CAMTA1: variants seen among roughly 807,000 people sequenced by gnomAD.
CAMTA1 encodes calmodulin-binding transcription activator 1.
Under a neutral mutation model 170.9 loss-of-function variants are expected in CAMTA1, and 27 were observed. That is an observed-to-expected ratio of 0.16 (90% CI 0.12 to 0.22). The LOEUF is 0.22. Among genes scored for constraint, CAMTA1 ranks in the 10% least tolerant of loss-of-function variants. The pLI is 1.00. For synonymous variants in CAMTA1, 833 were observed against 891.5 expected (o/e 0.93, Z 1.17); for missense variants, 1,619 against 2,217.2 (o/e 0.73, Z 5.42).
chr1:7,699,037 A>T (rs1480869106), intron 11 of CAMTA1, among the ~76,000 whole-genome samples: 2 of 152,098 alleles, frequency 1.3e-5, no homozygotes, highest in Non-Finnish European at 2.9e-5. Context: ...TTCTTTTCTC[A>T]AGTTAAATCC....
chr1:7,181,741 T>C (rs973145829), intron 4 of CAMTA1, among the ~76,000 whole-genome samples: 1 of 146,934 alleles, frequency 6.8e-6, no homozygotes, highest in Non-Finnish European at 1.5e-5. Flanking sequence ...AAGACATCCC[T>C]TGATTTTGGA....
At chr1:7,433,264 C>T (rs1366956942) in intron 5 of CAMTA1, among the ~76,000 whole-genome samples, 1 of 152,220 alleles carries the variant, frequency 6.6e-6, no homozygotes, top group African/African-American at 2.4e-5. Flanking sequence ...TGCCTGCATC[C>T]TCCACCTGGG....
In CAMTA1 at chr1:7,528,601, C is replaced by T. The variant is rs2094456149; in HGVS notation, c.510+60700C>T. Among the ~76,000 whole-genome samples the T allele has an allele frequency of 1.3e-5, 2 of 151,828 alleles. 1 individual carries two copies. Among genetic ancestry groups the T allele is most frequent in the South Asian group, 4.2e-4 (2 of 4,796 alleles). On this transcript the variant is annotated intron_variant, in intron 6 of 22. Transcript: ENST00000303635. ...CTCGGGGAGGAGCTTTTGCATGAGGCCTGGGATGTGCCCTCACAGTGGCTG... is the reference window on the plus strand; with the variant it reads ...CTCGGGGAGGAGCTTTTGCATGAGGTCTGGGATGTGCCCTCACAGTGGCTG...
At chr1:7,167,036 C>T (rs192385066) in intron 4 of CAMTA1, among the ~76,000 whole-genome samples, 17 of 152,156 alleles carry the variant, frequency 1.1e-4, no homozygotes, top group Admixed American at 9.8e-4. Context: ...TTCTCAAACT[C>T]CTGACCTCAG....
At chr1:6,902,771 C>T (rs143955902) in intron 3 of CAMTA1, among the ~76,000 whole-genome samples, 268 of 152,288 alleles carry the variant, frequency 1.8e-3, no homozygotes, top group African/African-American at 6.0e-3. Flanking sequence ...GAGATGCCAT[C>T]TATTATTAGA....
At chr1:7,488,540 A>G (rs2093650540) in intron 6 of CAMTA1, among the ~76,000 whole-genome samples, 1 of 152,114 alleles carries the variant, frequency 6.6e-6, no homozygotes, top group South Asian at 2.1e-4. Context: ...ACACATGCAC[A>G]CACATACATC....
chr1:6,791,582 C>T (rs1047401321), intron 1 of CAMTA1, among the ~76,000 whole-genome samples: 2 of 152,182 alleles, frequency 1.3e-5, no homozygotes, highest in African/African-American at 4.8e-5. Flanking sequence ...CCTTCATTTA[C>T]AAGGAAGTAT....
Position 7,461,156 on chromosome 1 carries a change from T to G in CAMTA1, c.439-6674T>G, listed in dbSNP as rs180967253. On this transcript the variant is annotated intron_variant, in intron 5 of 22. Coordinates refer to ENST00000303635, the MANE Select transcript of CAMTA1 (RefSeq NM_015215.4). The stretch of plus-strand genomic sequence containing the variant: ...GGGGAGGGGAGCTCAGGAATGAGCT[T>G]TGCCATCACAGGCACAGAAGGCTCT... Among the ~76,000 whole-genome samples the G allele has an allele frequency of 3.3e-5, 5 of 152,310 alleles. No homozygotes were observed. The East Asian group carries it at 9.6e-4, about 29-fold the overall frequency.
intron 5 of CAMTA1, among the ~76,000 whole-genome samples, chr1:7,303,473 A>G (rs1675106496): frequency 6.6e-6 from 1 of 152,212 alleles, no homozygotes; most frequent in Non-Finnish European, 1.5e-5. Flanking sequence ...AGCCACAACT[A>G]TATAGTGGAC....
chr1:7,629,821 C>T (rs2095656770), intron 6 of CAMTA1, among the ~76,000 whole-genome samples: 1 of 152,026 alleles, frequency 6.6e-6, no homozygotes, highest in Non-Finnish European at 1.5e-5. Flanking sequence ...CTGGTCCCTG[C>T]AACAACTGTG....
chr1:6,845,162 A>G (rs1337792668), intron 3 of CAMTA1, among the ~76,000 whole-genome samples: 6 of 152,202 alleles, frequency 3.9e-5, no homozygotes, highest in Admixed American at 3.9e-4. Flanking sequence ...AGGAAAGCTG[A>G]TGAAAAAGTC....
chr1:7,216,096 C>T lies in CAMTA1; in HGVS notation c.303-33395C>T, dbSNP rs967454348. 5.9e-5 allele frequency among the ~76,000 whole-genome samples: 9 copies of T among 152,196 alleles called. No individual in the cohort carries two copies. Among genetic ancestry groups the T allele is most frequent in the Non-Finnish European group, 1.0e-4 (7 of 68,042 alleles). On this transcript the variant is annotated intron_variant, in intron 4 of 22. Coordinates refer to ENST00000303635, the MANE Select transcript of CAMTA1 (RefSeq NM_015215.4). The surrounding 1 kb of genome is among the most constrained non-coding windows in gnomAD (Gnocchi z 4.0). ...GGGGAGACCTCAGGAAACTTACAAT[C>T]ATGGCAGAAGGCGAAGGGGAAGCCC...
chr1:7,545,437 C>T (rs977394040), intron 6 of CAMTA1, among the ~76,000 whole-genome samples: 3 of 152,210 alleles, frequency 2.0e-5, no homozygotes, highest in African/African-American at 4.8e-5. Context: ...ATGTCAGCAT[C>T]ACGGGTCACA....
At chr1:7,273,267 A>G (rs1670116768) in intron 5 of CAMTA1, among the ~76,000 whole-genome samples, 1 of 152,238 alleles carries the variant, frequency 6.6e-6, no homozygotes, top group East Asian at 1.9e-4. Context: ...CAAGAGAAAT[A>G]AAAGCATATT....
chr1:7,339,550 G>T (rs191268494), intron 5 of CAMTA1, among the ~76,000 whole-genome samples: 12 of 152,140 alleles, frequency 7.9e-5, no homozygotes, highest in Non-Finnish European at 1.0e-4. Flanking sequence ...CTCAAAGCAC[G>T]TTCATGCTGA....
In CAMTA1 at chr1:6,814,531, A is replaced by C. The variant is rs557764737; in HGVS notation, c.46-5650A>C. The stretch of plus-strand genomic sequence containing the variant: ...TAGAAGGAGCACAGGCAGCAGAGCC[A>C]CTGCTGTGAGAACAGTCTGCCCACC... On this transcript the variant is annotated intron_variant, in intron 1 of 22. Coordinates refer to ENST00000303635, the MANE Select transcript of CAMTA1 (RefSeq NM_015215.4). Among the ~76,000 whole-genome samples, 158 of 152,290 alleles carry C rather than the reference A, an allele frequency of 1.0e-3. 3 individuals carry two copies. The South Asian group carries it at 0.033, about 32-fold the overall frequency.
chr1:7,321,554 A>G (rs977596493), intron 5 of CAMTA1, among the ~76,000 whole-genome samples: 1 of 152,174 alleles, frequency 6.6e-6, no homozygotes, highest in Admixed American at 6.5e-5. Context: ...CTGGGCATAC[A>G]TGGTAGATCC....
intron 16 of CAMTA1, 134 bp from the exon 17 acceptor site, chr1:7,744,701 T>A: frequency 1.5e-6 from 1 of 664,676 alleles, no homozygotes; most frequent in Non-Finnish European, 2.6e-6. Flanking sequence ...GGTATTTCAT[T>A]GCATTGGATT....
chr1:6,956,693 G>A (rs577657506), intron 3 of CAMTA1, among the ~76,000 whole-genome samples: 7 of 152,276 alleles, frequency 4.6e-5, no homozygotes, highest in South Asian at 4.1e-4. Flanking sequence ...GGATGGCCTC[G>A]TAAAGAGGGA....
Sources: allele counts gnomAD v4.1 joint callset (sites outside exome capture counted in the v4.1 genomes callset), GRCh38; gene constraint gnomAD v4.1.1; non-coding constraint Gnocchi (gnomAD v3.1); transcripts MANE v1.5; gene names NCBI Gene and HGNC (gene_info 2026-07-23, HGNC 2026-07-21).